The following SMURF1 variants were observed in gnomAD, a reference collection of about 807,000 sequenced individuals.
SMURF1 encodes E3 ubiquitin-protein ligase SMURF1.
A neutral mutation model predicts 98.0 loss-of-function variants in SMURF1; 44 were observed. The observed-to-expected ratio is 0.45, with a 90% confidence interval of 0.35 to 0.58. The LOEUF (loss-of-function observed/expected upper bound fraction) is 0.58, where lower values mean the gene tolerates loss of function less well. Ranked by LOEUF, SMURF1 falls within the 20% of genes least tolerant of loss-of-function variation. The pLI, the probability that SMURF1 is intolerant of heterozygous loss-of-function variation, is 0.00. For missense variants in SMURF1, 687 were observed against 938.4 expected, an observed-to-expected ratio of 0.73 and a Z score of 3.50; for synonymous variants, 396 against 374.9, an observed-to-expected ratio of 1.06 and a Z score of -0.65.
At chr7:99,120,597 G>A (rs974209153) in intron 1 of SMURF1, 1 of 149,282 alleles carries the variant, frequency 6.7e-6, no homozygotes, top group Non-Finnish European at 1.5e-5. Flanking sequence ...AGTCCTTCCT[G>A]CCCTGTCTTC....
chr7:99,072,644 AAAAAG>A lies in SMURF1; in HGVS notation c.56-10812_56-10808del, dbSNP rs549620097. Among the ~76,000 whole-genome samples the A allele has an allele frequency of 6.9e-3, 1,058 of 152,328 alleles. 11 individuals are homozygous for A. Among genetic ancestry groups the A allele is most frequent in the African/African-American group, 0.024 (1,012 of 41,576 alleles). The stretch of plus-strand genomic sequence containing the variant: ...GAGACAGAGCAAAATTCTATGTCAA[AAAAAG>A]AAAAGAAAAGAAAATCCGAAGGTGA... On this transcript the variant is annotated intron_variant, in intron 1 of 17. Coordinates refer to ENST00000361368, the MANE Select transcript of SMURF1 (RefSeq NM_181349.3).
At chr7:99,125,598 A>C (rs1257546233) in intron 1 of SMURF1, among the ~76,000 whole-genome samples, 3 of 152,162 alleles carry the variant, frequency 2.0e-5, no homozygotes, top group Admixed American at 6.5e-5. Flanking sequence ...CCCAAGTAGC[A>C]CAACAGCAGT....
At chr7:99,096,675 G>A (rs1440276232) in intron 1 of SMURF1, among the ~76,000 whole-genome samples, 2 of 152,036 alleles carry the variant, frequency 1.3e-5, no homozygotes, top group Non-Finnish European at 2.9e-5. Flanking sequence ...AGCAAAAACT[G>A]ACAGAATTGA....
At chr7:99,133,475 C>A (rs1238135177) in intron 1 of SMURF1, among the ~76,000 whole-genome samples, 3 of 152,066 alleles carry the variant, frequency 2.0e-5, no homozygotes, top group Non-Finnish European at 4.4e-5. Context: ...TGACACCAAT[C>A]CACACTCAAG....
chr7:99,112,128 A>C (rs185558734), intron 1 of SMURF1, among the ~76,000 whole-genome samples: 6 of 152,300 alleles, frequency 3.9e-5, no homozygotes, highest in Admixed American at 2.6e-4. Flanking sequence ...TATTTTTGTG[A>C]ATCAAGAAAG....
At position 99,143,781 on chromosome 7, in the gene SMURF1, C is replaced by T. The variant is rs762039579; in HGVS notation, c.-1G>A. Reference sequence around the variant, plus strand: ...TCCTGCGTGTCCCGGGGTTCGACATCTCCCGCCAACGATCGGGCAGCCGCG... The same window carrying T: ...TCCTGCGTGTCCCGGGGTTCGACATTTCCCGCCAACGATCGGGCAGCCGCG... On this transcript the variant is annotated 5_prime_UTR_variant, in exon 1 of 18. Transcript: ENST00000361368. 15 of 1,557,820 alleles carry T rather than the reference C, an allele frequency of 9.6e-6. No individual in the cohort carries two copies. The South Asian group carries it at 1.7e-4, about 18-fold the overall frequency.
chr7:99,042,364 C>T (rs1173277190), intron 11 of SMURF1, 132 bp from the exon 12 acceptor site: 1 of 595,074 alleles, frequency 1.7e-6, no homozygotes, highest in Non-Finnish European at 3.0e-6. Flanking sequence ...ACTGCAACCT[C>T]TGCCTTCCTG....
At chr7:99,063,539 C>A (rs891608262) in intron 1 of SMURF1, among the ~76,000 whole-genome samples, 1 of 150,722 alleles carries the variant, frequency 6.6e-6, no homozygotes, top group African/African-American at 2.4e-5. Flanking sequence ...ATCCTCCCAA[C>A]TTCGCCCCAC....
rs1414042186 is a variant in SMURF1, at chr7:99,057,606, T to TTTG, written c.204-56_204-55insCAA. 3,764 of 930,620 alleles carry TTTG rather than the reference T, an allele frequency of 4.0e-3. 4 individuals carry two copies. Among genetic ancestry groups the TTTG allele is most frequent in the South Asian group, 6.6e-3 (262 of 39,860 alleles). 57.6% of individuals were successfully genotyped at this position (930,620 alleles called of 1,614,324 possible). On this transcript the variant is annotated intron_variant, in intron 3 of 17. Coordinates refer to ENST00000361368, the MANE Select transcript of SMURF1 (RefSeq NM_181349.3). The stretch of plus-strand genomic sequence containing the variant: ...ATTGTGTTTGGTTTTTTTTGTTTTG[T>TTTG]TTTTTTTTTTTTTTGAGATAGAATC...
At chr7:99,040,279 C>T in intron 13 of SMURF1, 99 bp downstream of exon 13, 1 of 1,252,488 alleles carries the variant, frequency 8.0e-7, no homozygotes, top group South Asian at 2.3e-5. Context: ...CACACATCCC[C>T]AAAATACACA....
chr7:99,119,850 T>A (rs1034631241), intron 1 of SMURF1, among the ~76,000 whole-genome samples: 2 of 152,222 alleles, frequency 1.3e-5, no homozygotes, highest in East Asian at 3.8e-4. Flanking sequence ...ACACCCCATT[T>A]TCAACTCTTT....
chr7:99,052,768 T>C (rs754666733), intron 6 of SMURF1, among the ~76,000 whole-genome samples: 1 of 152,202 alleles, frequency 6.6e-6, no homozygotes, highest in Non-Finnish European at 1.5e-5. Context: ...TTTTTCTTGA[T>C]TTAAAATCAA....
intron 6 of SMURF1, among the ~76,000 whole-genome samples, chr7:99,053,371 A>AC (rs1795807208): frequency 6.6e-6 from 1 of 151,826 alleles, no homozygotes; most frequent in Non-Finnish European, 1.5e-5. Context: ...CTCCCCACCA[A>AC]CCCCAACATT....
At chr7:99,060,507 C>CTTT in intron 3 of SMURF1, 92 bp downstream of exon 3, 2 of 567,884 alleles carry the variant, frequency 3.5e-6, no homozygotes, top group Non-Finnish European at 5.5e-6. Context: ...AAAAGTCATC[C>CTTT]TTTTTTTTTT....
intron 8 of SMURF1, chr7:99,051,045 A>T (rs1414546030): frequency 6.8e-7 from 1 of 1,462,588 alleles, no homozygotes; most frequent in Non-Finnish European, 9.3e-7. Flanking sequence ...CAGAGTCTTT[A>T]TATTTCCTTG....
At position 99,057,520 on chromosome 7, in the gene SMURF1, T is replaced by A; in HGVS notation, c.235A>T (p.Ser79Cys). The A allele has an allele frequency of 6.4e-7, 1 of 1,562,322 alleles. No individual in the cohort carries two copies. The highest frequency in any genetic ancestry group is 8.6e-7 in the Non-Finnish European group (1 of 1,161,630). Reference sequence around the variant, plus strand: ...TGAATTTTCTTATGGTTCCACACGCTAATGGTTATCGAATCCGTTTTCCCA... The same window carrying A: ...TGAATTTTCTTATGGTTCCACACGCAAATGGTTATCGAATCCGTTTTCCCA... ...YVGKTDSITISVWNHKKIHKK... is the reference protein window; with the variant it reads ...YVGKTDSITICVWNHKKIHKK... The change falls in exon 4 of 18, where the codon AGC (serine) becomes TGC (cysteine). Residue 79 changes from serine (S) to cysteine (C), a missense_variant. Coordinates refer to ENST00000361368, the MANE Select transcript of SMURF1 (RefSeq NM_181349.3).
intron 1 of SMURF1, among the ~76,000 whole-genome samples, chr7:99,106,437 T>C (rs1166428099): frequency 6.6e-6 from 1 of 152,224 alleles, no homozygotes; most frequent in Non-Finnish European, 1.5e-5. Context: ...ATGGTCTGAA[T>C]GTGCACACTG....
Position 99,049,605 on chromosome 7 carries a change from C to A in SMURF1, c.911G>T (p.Arg304Leu). ...CCTTGGGTCTGTAAACTGGGTTGTT[C>A]GGTTATTATGATCTACAAAATATAT... ...GRIYFVDHNN[R>L]TTQFTDPRLH... is the part of the protein sequence containing the mutation. The change falls in exon 9 of 18, where the codon CGA (arginine) becomes CTA (leucine). Residue 304 changes from arginine (R) to leucine (L), a missense_variant. Transcript: ENST00000361368. 1 of 1,614,076 alleles carries A rather than the reference C, an allele frequency of 6.2e-7. No individual in the cohort carries two copies. Among genetic ancestry groups the A allele is most frequent in the Non-Finnish European group, 8.5e-7 (1 of 1,180,008 alleles).
chr7:99,061,105 A>G (rs1796025079), intron 2 of SMURF1, among the ~76,000 whole-genome samples: 1 of 152,230 alleles, frequency 6.6e-6, no homozygotes. Flanking sequence ...AGAATGAATC[A>G]GAGAGGTTTA....
Sources: gnomAD v4.1 joint callset for allele counts (sites outside exome capture counted in the v4.1 genomes callset) on GRCh38, gnomAD v4.1.1 for gene constraint, MANE v1.5 for transcripts, NCBI Gene and HGNC (gene_info 2026-07-23, HGNC 2026-07-21) for gene names.